FLYWCH2: variants seen among roughly 807,000 people sequenced by gnomAD.
FLYWCH2 encodes FLYWCH family member 2.
Under a neutral mutation model 6.0 loss-of-function variants are expected in FLYWCH2, and 2 were observed. That is an observed-to-expected ratio of 0.33 (90% CI 0.14 to 1.04). FLYWCH2 has a LOEUF of 1.04. FLYWCH2 is among the 50% of genes least tolerant of loss of function. The pLI is 0.45. For missense variants in FLYWCH2, 192 were observed against 183.4 expected (o/e 1.05, Z -0.27); for synonymous variants, 87 against 79.3 (o/e 1.10, Z -0.52).
chr16:2,890,015 G>C (rs1237971462), intron 1 of FLYWCH2, among the ~76,000 whole-genome samples: 1 of 152,118 alleles, frequency 6.6e-6, no homozygotes, highest in Admixed American at 6.6e-5. Flanking sequence ...GAGCCCATGA[G>C]TGTGAGGTTA....
intron 3 of FLYWCH2, among the ~76,000 whole-genome samples, chr16:2,897,218 T>C (rs1228756899): frequency 6.6e-6 from 1 of 152,170 alleles, no homozygotes; most frequent in Non-Finnish European, 1.5e-5. Context: ...ACAGCAGCTG[T>C]GTGCAGGCTG....
At position 2,896,546 on chromosome 16, in the gene FLYWCH2, C is replaced by T; in HGVS notation, c.97C>T (p.Pro33Ser). Residue 33 changes from proline to serine, a missense_variant, in exon 3 of 4, where the codon CCC becomes TCC. Physicochemically the swap from Pro to Ser is moderately conservative, Grantham distance 74. Transcript: ENST00000396958. Reference protein sequence around the residue: ...KPGTEVIPAAPRKPRKFSKLV... With the variant: ...KPGTEVIPAASRKPRKFSKLV... ...AGGCACAGAAGTCATCCCGGCAGCC[C>T]CCAGGAAGCCCAGAAAGTTCTCCAA... 6.2e-7 allele frequency: 1 copy of T among 1,614,164 alleles called. No homozygotes were observed. Among genetic ancestry groups the T allele is most frequent in the East Asian group, 2.2e-5 (1 of 44,884 alleles).
intron 1 of FLYWCH2, among the ~76,000 whole-genome samples, chr16:2,893,127 C>A (rs2069778868): frequency 6.6e-6 from 1 of 151,938 alleles, no homozygotes; most frequent in Admixed American, 6.6e-5. Flanking sequence ...CCATGTGTTC[C>A]TGGAAGCTCT....
chr16:2,889,209 C>CTTTT (rs1329641985), intron 1 of FLYWCH2, among the ~76,000 whole-genome samples: 2 of 126,390 alleles, frequency 1.6e-5, no homozygotes, highest in African/African-American at 3.1e-5. Flanking sequence ...CTAACCTTTA[C>CTTTT]TTTTTTTTTT....
intron 1 of FLYWCH2, among the ~76,000 whole-genome samples, chr16:2,887,388 C>G (rs12446717): frequency 1.4e-5 from 2 of 148,108 alleles, no homozygotes; most frequent in African/African-American, 5.0e-5. Flanking sequence ...CCTGAACTCC[C>G]GAGCTGAAGA....
In FLYWCH2 at chr16:2,896,442, G is replaced by A. The variant is rs2069820361; in HGVS notation, c.-8G>A. 2 of 1,606,374 alleles carry A rather than the reference G, an allele frequency of 1.2e-6. No individual in the cohort carries two copies. Among genetic ancestry groups the A allele is most frequent in the Non-Finnish European group, 1.7e-6 (2 of 1,176,216 alleles). ...GTGTGGCCTGAGGGACAGGCCCTGG[G>A]TCCCGGGATGCCCCTGCCCGAGCCC... On this transcript the variant is annotated 5_prime_UTR_variant, in exon 3 of 4. Coordinates refer to ENST00000396958, the MANE Select transcript of FLYWCH2 (RefSeq NM_138439.3).
intron 1 of FLYWCH2, among the ~76,000 whole-genome samples, chr16:2,894,890 C>T (rs1324705917): frequency 6.6e-6 from 1 of 152,122 alleles, no homozygotes; most frequent in Non-Finnish European, 1.5e-5. Flanking sequence ...TCAGGACAGA[C>T]GCATTGGGAG....
At chr16:2,889,501 C>T (rs1456064406) in intron 1 of FLYWCH2, among the ~76,000 whole-genome samples, 3 of 151,390 alleles carry the variant, frequency 2.0e-5, no homozygotes, top group South Asian at 4.2e-4. Flanking sequence ...TGAGCCACTG[C>T]GCCCGGCCAA....
rs374969789 is a variant in FLYWCH2, at chr16:2,898,641, T to C, written c.323-408T>C. On this transcript the variant is annotated intron_variant, in intron 3 of 3. Transcript: ENST00000396958. ...TGGGGCCGTGGTGCCTTTGTGAGAA[T>C]TGGAGCACAGCCATCTTCGCCAGAT... 364 of 166,914 alleles carry C rather than the reference T, an allele frequency of 2.2e-3. 9 individuals are homozygous for C. The South Asian group carries it at 0.043, about 20-fold the overall frequency. 10.3% of individuals were successfully genotyped at this position (166,914 alleles called of 1,614,324 possible). A position where few individuals can be genotyped will look rare whatever the true frequency, so the allele number is the denominator to read the frequency against.
At chr16:2,885,515 A>G (rs534212610) in intron 1 of FLYWCH2, among the ~76,000 whole-genome samples, 1 of 152,308 alleles carries the variant, frequency 6.6e-6, no homozygotes, top group South Asian at 2.1e-4. Context: ...TTCTGTCTCC[A>G]TAGATTTTCC....
chr16:2,893,699 ACGATCTCGGCTCACTGCAAGCTCCG>A (rs1445178004), intron 1 of FLYWCH2, among the ~76,000 whole-genome samples: 4 of 138,826 alleles, frequency 2.9e-5, no homozygotes, highest in Admixed American at 2.5e-4. Context: ...GTGCAGTGGC[ACGATCTCGGCTCACTGCAAGCTCCG>A]CCTCCCAGGT....
rs749490318 is a variant in FLYWCH2 at position 2,896,500 on chromosome 16, C to T, written c.51C>T (p.Ser17=). The T allele has an allele frequency of 2.5e-6, 4 of 1,613,902 alleles. No homozygotes were observed. Among genetic ancestry groups the T allele is most frequent in the Non-Finnish European group, 3.4e-6 (4 of 1,179,954 alleles). ...SEQEGESVKA[S]QEPSPKPGTE... ...AGGAGGGTGAGAGTGTGAAGGCCAGCCAGGAGCCATCCCCCAAGCCAGGCA... is the reference window on the plus strand; with the variant it reads ...AGGAGGGTGAGAGTGTGAAGGCCAGTCAGGAGCCATCCCCCAAGCCAGGCA... Residue 17 remains serine, a synonymous_variant, in exon 3 of 4, where the codon AGC becomes AGT. Transcript: ENST00000396958.
chr16:2,885,514 C>G (rs1353310550), intron 1 of FLYWCH2, among the ~76,000 whole-genome samples: 1 of 152,170 alleles, frequency 6.6e-6, no homozygotes, highest in Non-Finnish European at 1.5e-5. Context: ...GTTCTGTCTC[C>G]ATAGATTTTC....
intron 1 of FLYWCH2, among the ~76,000 whole-genome samples, chr16:2,895,001 G>C (rs1239505640): frequency 6.6e-6 from 1 of 152,134 alleles, no homozygotes; most frequent in African/African-American, 2.4e-5. Flanking sequence ...TCCTGGACAG[G>C]GGGCTAGGTG....
intron 3 of FLYWCH2, among the ~76,000 whole-genome samples, chr16:2,898,516 G>A (rs1596340526): frequency 6.6e-6 from 1 of 152,330 alleles, no homozygotes; most frequent in Middle Eastern, 3.4e-3. Context: ...TTGGAGTCTG[G>A]CTCAGGATCT....
intron 1 of FLYWCH2, among the ~76,000 whole-genome samples, chr16:2,894,094 A>ACTAAC (rs956528592): frequency 6.6e-6 from 1 of 152,140 alleles, no homozygotes; most frequent in African/African-American, 2.4e-5. Flanking sequence ...TTACTTTTGC[A>ACTAAC]CTAACCTAAT....
chr16:2,885,344 A>AC (rs34402261), intron 1 of FLYWCH2, among the ~76,000 whole-genome samples: 128,600 of 151,878 alleles, frequency 0.85, 54,689 homozygotes, highest in Non-Finnish European at 0.87. Flanking sequence ...CAAAAAAAAA[A>AC]ATATACAGTT....
chr16:2,883,707 C>G (rs2069666271), intron 1 of FLYWCH2, among the ~76,000 whole-genome samples: 1 of 152,208 alleles, frequency 6.6e-6, no homozygotes. Context: ...CTCGGGAGGT[C>G]CCTGCAGGGA....
In FLYWCH2 at chr16:2,890,956, A is replaced by G. The variant is rs1264983148; in HGVS notation, c.-199-4264A>G. Among the ~76,000 whole-genome samples the G allele has an allele frequency of 2.0e-5, 3 of 152,208 alleles. No individual in the cohort carries two copies. The East Asian group carries it at 5.8e-4, about 29-fold the overall frequency. On this transcript the variant is annotated intron_variant, in intron 1 of 3. Coordinates refer to ENST00000396958, the MANE Select transcript of FLYWCH2 (RefSeq NM_138439.3). The stretch of plus-strand genomic sequence containing the variant: ...ATTTCCTGGAGGGGGAAGTGTCCGC[A>G]CATACTGTTTAGAATTCCTCTTAAG...
Sources: gnomAD v4.1 joint callset for allele counts (sites outside exome capture counted in the v4.1 genomes callset) on GRCh38, gnomAD v4.1.1 for gene constraint, MANE v1.5 for transcripts, NCBI Gene and HGNC (gene_info 2026-07-23, HGNC 2026-07-21) for gene names.